The following RIN3 variants were observed in gnomAD, a reference collection of about 807,000 sequenced individuals.
RIN3 encodes Ras and Rab interactor 3.
A neutral mutation model predicts 76.3 loss-of-function variants in RIN3; 54 were observed. That is an observed-to-expected ratio of 0.71 (90% CI 0.57 to 0.89). The LOEUF (loss-of-function observed/expected upper bound fraction) is 0.89. RIN3 is among the 40% of genes least tolerant of loss of function. The pLI is 0.00. For synonymous variants in RIN3, 576 were observed against 564.0 expected (o/e 1.02, Z -0.30); for missense variants, 1,256 against 1,322.1 (o/e 0.95, Z 0.78).
chr14:92,653,690 A>G (rs1887557302), intron 6 of RIN3, among the ~76,000 whole-genome samples: 1 of 152,182 alleles, frequency 6.6e-6, no homozygotes, highest in African/African-American at 2.4e-5. Context: ...TCACGGTGAA[A>G]AGTACTTGTG....
intron 3 of RIN3, among the ~76,000 whole-genome samples, chr14:92,607,771 A>G (rs886127622): frequency 5.9e-5 from 9 of 152,366 alleles, no homozygotes; most frequent in Admixed American, 5.2e-4. Context: ...GAAACCATCC[A>G]AATGTCCTTC....
chr14:92,622,692 A>G (rs1886225530), intron 4 of RIN3, among the ~76,000 whole-genome samples: 1 of 152,194 alleles, frequency 6.6e-6, no homozygotes, highest in African/African-American at 2.4e-5. Flanking sequence ...TGACATCATC[A>G]AAGGAGGCAA....
chr14:92,521,053 C>T (rs1675322035), intron 1 of RIN3, among the ~76,000 whole-genome samples: 2 of 152,130 alleles, frequency 1.3e-5, no homozygotes, highest in African/African-American at 2.4e-5. Flanking sequence ...TCTCATTTAT[C>T]TTCACCCATC....
At chr14:92,526,636 C>A (rs1462206719) in intron 1 of RIN3, among the ~76,000 whole-genome samples, 1 of 152,072 alleles carries the variant, frequency 6.6e-6, no homozygotes, top group East Asian at 1.9e-4. Flanking sequence ...GCCTGTAGTT[C>A]CAGCTACTCA....
intron 4 of RIN3, among the ~76,000 whole-genome samples, chr14:92,617,565 A>C (rs1413385500): frequency 6.6e-6 from 1 of 152,136 alleles, no homozygotes; most frequent in Non-Finnish European, 1.5e-5. Flanking sequence ...AGCATTTAAA[A>C]CCTTTGAGAG....
chr14:92,584,411 A>G (rs1884689797), intron 3 of RIN3, among the ~76,000 whole-genome samples: 1 of 152,228 alleles, frequency 6.6e-6, no homozygotes, highest in South Asian at 2.1e-4. Flanking sequence ...TCACATGGCC[A>G]GGCCAGCCTC....
rs1424690869 is a variant in RIN3 at position 92,681,167 on chromosome 14, G to A, written c.2468-3820G>A. On this transcript the variant is annotated intron_variant, in intron 8 of 9. Transcript: ENST00000216487. This position sits in a 1 kb window ranked among gnomAD's most constrained non-coding sequence, Gnocchi z 4.7. ...CCATGCCGGGCTGGTGTCTTTCCAG[G>A]GGCAGTGGGTTTTTCCAATCAACGC... Among the ~76,000 whole-genome samples the A allele has an allele frequency of 6.6e-6, 1 of 152,208 alleles. No individual in the cohort carries two copies. Among genetic ancestry groups the A allele is most frequent in the Non-Finnish European group, 1.5e-5 (1 of 68,038 alleles).
intron 1 of RIN3, among the ~76,000 whole-genome samples, chr14:92,534,587 C>CAA (rs5810601): frequency 0.026 from 3,529 of 134,226 alleles, 144 homozygotes; most frequent in African/African-American, 0.09. Flanking sequence ...GACTCCATCT[C>CAA]AAAAAAAAAA....
chr14:92,580,375 A>G (rs1296627899), intron 3 of RIN3, among the ~76,000 whole-genome samples: 1 of 152,198 alleles, frequency 6.6e-6, no homozygotes. Context: ...AACAACAACA[A>G]AAACAAAACA....
At chr14:92,540,914 C>T (rs778423411) in intron 1 of RIN3, among the ~76,000 whole-genome samples, 1 of 152,242 alleles carries the variant, frequency 6.6e-6, no homozygotes, top group Non-Finnish European at 1.5e-5. Flanking sequence ...CTGCTGCTCT[C>T]CCAGGCAGAG....
intron 2 of RIN3, chr14:92,576,105 C>T (rs954812284): frequency 4.5e-6 from 3 of 669,500 alleles, no homozygotes; most frequent in Non-Finnish European, 6.4e-6. Flanking sequence ...GGACCAAGTC[C>T]TTCCCCTATG....
intron 7 of RIN3, among the ~76,000 whole-genome samples, chr14:92,672,926 C>T (rs759930807): frequency 2.6e-5 from 4 of 152,042 alleles, no homozygotes; most frequent in Admixed American, 6.6e-5. Context: ...TCCTATCATA[C>T]GTACAATATG....
At chr14:92,659,549 G>T in intron 7 of RIN3, 80 bp downstream of exon 7, 1 of 1,360,860 alleles carries the variant, frequency 7.3e-7, no homozygotes. Flanking sequence ...CAGGACTCCA[G>T]AGCCCTTGGA....
chr14:92,659,562 G>T, intron 7 of RIN3, 93 bp downstream of exon 7: 1 of 1,227,884 alleles, frequency 8.1e-7, no homozygotes, highest in Non-Finnish European at 1.1e-6. Flanking sequence ...CCCTTGGAAG[G>T]CCCCAGACTT....
chr14:92,565,713 C>T (rs1447602006), intron 2 of RIN3, among the ~76,000 whole-genome samples: 2 of 152,142 alleles, frequency 1.3e-5, no homozygotes, highest in African/African-American at 2.4e-5. Flanking sequence ...ACATAATGAG[C>T]AGTGAGGATG....
chr14:92,527,484 G>GGGGGCT (rs1896769806), intron 1 of RIN3, among the ~76,000 whole-genome samples: 1 of 152,144 alleles, frequency 6.6e-6, no homozygotes, highest in Non-Finnish European at 1.5e-5. Flanking sequence ...GGCGCTATAG[G>GGGGGCT]ACTACATCTT....
Position 92,561,044 on chromosome 14 carries a change from A to AAT in RIN3, c.249+5100_249+5101dup, listed in dbSNP as rs1555383857. 1.1e-3 allele frequency among the ~76,000 whole-genome samples: 26 copies of AAT among 24,382 alleles called. 1 individual carries two copies. The highest frequency in any genetic ancestry group is 1.2e-3 in the Non-Finnish European group (15 of 12,640). 16.0% of individuals were successfully genotyped at this position (24,382 alleles called of 152,430 possible). On this transcript the variant is annotated intron_variant, in intron 2 of 9. Transcript: ENST00000216487. ...CTAAAAAAAAAAAAAAAAAAAAAAAAATATATATATATCTGCCATATATAT... is the reference window on the plus strand; with the variant it reads ...CTAAAAAAAAAAAAAAAAAAAAAAAAATATATATATATATCTGCCATATATAT...
chr14:92,609,117 T>C (rs1885630036), intron 3 of RIN3, among the ~76,000 whole-genome samples: 3 of 152,182 alleles, frequency 2.0e-5, no homozygotes, highest in Admixed American at 2.0e-4. Flanking sequence ...TAACTCCCAC[T>C]TATAAGTAAG....
intron 2 of RIN3, among the ~76,000 whole-genome samples, chr14:92,564,356 G>C (rs564121820): frequency 6.6e-6 from 1 of 152,318 alleles, no homozygotes; most frequent in East Asian, 1.9e-4. Context: ...GACAGGAAGA[G>C]GGTCTGCAGA....
Sources: gnomAD v4.1 joint callset for allele counts (sites outside exome capture counted in the v4.1 genomes callset) on GRCh38, gnomAD v4.1.1 for gene constraint, Gnocchi (gnomAD v3.1) non-coding constraint, MANE v1.5 for transcripts, NCBI Gene and HGNC (gene_info 2026-07-23, HGNC 2026-07-21) for gene names.